ELSPBP1: variants seen among roughly 807,000 people sequenced by gnomAD.
The protein encoded by ELSPBP1 is epididymal sperm binding protein 1, also known as epididymal sperm-binding protein 1.
In ELSPBP1, 38 loss-of-function variants were observed where a neutral mutation model predicts 33.3. That is an observed-to-expected ratio of 1.14 (90% CI 0.88 to 1.50). The LOEUF (loss-of-function observed/expected upper bound fraction) is 1.50, where lower values mean the gene tolerates loss of function less well. Among genes scored for constraint, ELSPBP1 ranks in the 40% most tolerant of loss-of-function variants. The pLI is 0.00. For synonymous variants in ELSPBP1, 85 were observed against 94.1 expected (o/e 0.90, Z 0.56); for missense variants, 267 against 263.5 (o/e 1.01, Z -0.09).
chr19:48,016,722 CT>C (rs1967146376), intron 4 of ELSPBP1, among the ~76,000 whole-genome samples: 1 of 151,862 alleles, frequency 6.6e-6, no homozygotes, highest in Non-Finnish European at 1.5e-5. Flanking sequence ...CCTCAGCCTC[CT>C]GAGTAGCTGG....
chr19:47,999,152 A>C (rs1185383754), intron 1 of ELSPBP1, among the ~76,000 whole-genome samples: 4 of 152,172 alleles, frequency 2.6e-5, no homozygotes, highest in African/African-American at 4.8e-5. Context: ...CAAAGGAGAC[A>C]TCTGTCAGGC....
At chr19:48,013,904 C>T (rs1212567918) in intron 2 of ELSPBP1, among the ~76,000 whole-genome samples, 1 of 152,066 alleles carries the variant, frequency 6.6e-6, no homozygotes, top group Non-Finnish European at 1.5e-5. Context: ...TGTATCCTCA[C>T]ATCGTAGAAG....
At chr19:48,000,199 T>G (rs1966953220) in intron 1 of ELSPBP1, among the ~76,000 whole-genome samples, 2 of 147,762 alleles carry the variant, frequency 1.4e-5, no homozygotes, top group South Asian at 2.2e-4. Context: ...CATTTCATTC[T>G]TCCCCCACCC....
chr19:48,003,402 T>C (rs1409027265), intron 1 of ELSPBP1, among the ~76,000 whole-genome samples: 1 of 152,112 alleles, frequency 6.6e-6, no homozygotes, highest in Non-Finnish European at 1.5e-5. Context: ...AGGTGGCTTC[T>C]GCAGGAAACA....
At chr19:48,013,215 C>T in intron 2 of ELSPBP1, among the ~76,000 whole-genome samples, 1 of 152,022 alleles carries the variant, frequency 6.6e-6, no homozygotes, top group East Asian at 1.9e-4. Flanking sequence ...TGTCATTGGC[C>T]CCCCATTTTA....
intron 1 of ELSPBP1, among the ~76,000 whole-genome samples, chr19:48,005,242 G>A (rs1967006270): frequency 6.6e-6 from 1 of 151,836 alleles, no homozygotes; most frequent in African/African-American, 2.4e-5. Flanking sequence ...AACAAAAAGA[G>A]AAAAAGAGCT....
intron 4 of ELSPBP1, among the ~76,000 whole-genome samples, chr19:48,018,466 A>G (rs912955428): frequency 2.0e-5 from 3 of 152,168 alleles, no homozygotes; most frequent in Non-Finnish European, 4.4e-5. Context: ...CTTACCATCT[A>G]TGTGATCTTG....
chr19:48,000,387 C>T (rs1966955566), intron 1 of ELSPBP1, among the ~76,000 whole-genome samples: 1 of 151,806 alleles, frequency 6.6e-6, no homozygotes, highest in Non-Finnish European at 1.5e-5. Flanking sequence ...ATTACAAGTG[C>T]GTGCCACCAC....
intron 1 of ELSPBP1, among the ~76,000 whole-genome samples, chr19:48,005,118 A>G (rs1020484045): frequency 3.3e-5 from 5 of 152,086 alleles, no homozygotes; most frequent in African/African-American, 9.6e-5. Context: ...AGGTGGGAGG[A>G]TCACTTGATG....
rs751792173 is a variant in ELSPBP1 at position 48,011,864 on chromosome 19, G to T, written c.71-2307G>T. Among the ~76,000 whole-genome samples, 18 of 152,042 alleles carry T rather than the reference G, an allele frequency of 1.2e-4. No homozygotes were observed. The highest frequency in any genetic ancestry group is 2.6e-4 in the Non-Finnish European group (18 of 68,018). ...CAGGTACTCTTCTAAGCACTTTCCA[G>T]ATTTAAACTGGTTTAAGTTTCACAA... is the stretch of plus-strand genomic sequence containing the variant. On this transcript the variant is annotated intron_variant, in intron 2 of 6. Coordinates refer to ENST00000339841, the MANE Select transcript of ELSPBP1 (RefSeq NM_022142.5). The surrounding 1 kb of genome is among the most constrained non-coding windows in gnomAD (Gnocchi z 4.5).
At chr19:48,005,685 G>C (rs2122299283) in intron 1 of ELSPBP1, among the ~76,000 whole-genome samples, 1 of 152,236 alleles carries the variant, frequency 6.6e-6, no homozygotes, top group Non-Finnish European at 1.5e-5. Flanking sequence ...ATATTTATGA[G>C]TTCTTAGCAC....
chr19:47,996,742 G>A (rs1365907174), intron 1 of ELSPBP1, among the ~76,000 whole-genome samples: 1 of 152,162 alleles, frequency 6.6e-6, no homozygotes, highest in Admixed American at 6.5e-5. Context: ...GTATCATTAA[G>A]CAGAGAAAAA....
rs771423768 is a variant in ELSPBP1, at chr19:48,014,222, T to C, written c.122T>C (p.Phe41Ser). 1 of 1,614,006 alleles carries C rather than the reference T, an allele frequency of 6.2e-7. No homozygotes were observed. Among genetic ancestry groups the C allele is most frequent in the Admixed American group, 1.7e-5 (1 of 60,010 alleles). ...TTCACCTACAAGGGATCTGTTTACT[T>C]CACTTGCACCCATATTCATAGCTTA... ...FPFTYKGSVY[F>S]TCTHIHSLSP... Residue 41 changes from phenylalanine (F) to serine (S), a missense_variant, in exon 3 of 7, where the codon TTC becomes TCC. By Grantham distance (155) the Phe-to-Ser change is radical. Transcript: ENST00000339841.
chr19:48,008,928 G>A (rs947207993), intron 2 of ELSPBP1, among the ~76,000 whole-genome samples, 191 bp downstream of exon 2: 8 of 152,054 alleles, frequency 5.3e-5, no homozygotes, highest in Non-Finnish European at 7.4e-5. Flanking sequence ...TTGAGGTCAG[G>A]AGTTCCAGAG....
intron 2 of ELSPBP1, among the ~76,000 whole-genome samples, chr19:48,013,585 C>T (rs540954509): frequency 6.6e-5 from 10 of 152,104 alleles, no homozygotes; most frequent in South Asian, 4.1e-4. Context: ...GGTGTGGTGG[C>T]GGGCACCTGT....
intron 1 of ELSPBP1, among the ~76,000 whole-genome samples, chr19:48,005,003 C>G (rs1355831566): frequency 1.3e-5 from 2 of 152,100 alleles, no homozygotes; most frequent in African/African-American, 4.8e-5. Context: ...TTGAGACCAG[C>G]CTGGGCAACA....
chr19:48,022,726 G>A (rs114969825), intron 6 of ELSPBP1, among the ~76,000 whole-genome samples: 497 of 152,172 alleles, frequency 3.3e-3, no homozygotes, highest in African/African-American at 0.01. Context: ...ATTTCTCAAA[G>A]TGGAGCATGG....
chr19:47,999,781 A>G (rs920324075), intron 1 of ELSPBP1, among the ~76,000 whole-genome samples: 1 of 151,480 alleles, frequency 6.6e-6, no homozygotes, highest in African/African-American at 2.4e-5. Context: ...CGACAACTCC[A>G]CATAGTAGGA....
intron 1 of ELSPBP1, among the ~76,000 whole-genome samples, chr19:48,002,263 T>C (rs139900313): frequency 6.4e-4 from 97 of 152,232 alleles, no homozygotes; most frequent in African/African-American, 2.2e-3. Context: ...GGCAGGCTCT[T>C]TCTGGCATTA....
Sources: gnomAD v4.1 joint callset for allele counts (sites outside exome capture counted in the v4.1 genomes callset) on GRCh38, gnomAD v4.1.1 for gene constraint, Gnocchi (gnomAD v3.1) non-coding constraint, MANE v1.5 for transcripts, NCBI Gene and HGNC (gene_info 2026-07-23, HGNC 2026-07-21) for gene names.